ENAH: variants seen among roughly 807,000 people sequenced by gnomAD.
ENAH encodes protein enabled homolog.
In ENAH, 23 loss-of-function variants were observed where a neutral mutation model predicts 78.7. That is an observed-to-expected ratio of 0.29 (90% CI 0.21 to 0.41). The LOEUF (loss-of-function observed/expected upper bound fraction) is 0.41, where lower values mean the gene tolerates loss of function less well. Ranked by LOEUF, ENAH falls within the 10% of genes least tolerant of loss-of-function variation. ENAH has a pLI of 1.00. For synonymous variants in ENAH, 226 were observed against 241.0 expected, an observed-to-expected ratio of 0.94 and a Z score of 0.58; for missense variants, 544 against 691.0, an observed-to-expected ratio of 0.79 and a Z score of 2.39.
chr1:225,503,053 T>C (rs551884607), intron 11 of ENAH, among the ~76,000 whole-genome samples: 1 of 152,212 alleles, frequency 6.6e-6, no homozygotes, highest in South Asian at 2.1e-4. Flanking sequence ...ATTATTGTTA[T>C]GTAATAAACA....
chr1:225,561,013 A>T (rs778807122), intron 2 of ENAH, among the ~76,000 whole-genome samples: 4 of 152,150 alleles, frequency 2.6e-5, no homozygotes, highest in Non-Finnish European at 4.4e-5. Context: ...AGGCGGGCAG[A>T]TCACGATGTC....
intron 1 of ENAH, among the ~76,000 whole-genome samples, chr1:225,608,102 TA>T (rs1482918680): frequency 1.3e-5 from 2 of 148,974 alleles, no homozygotes; most frequent in Non-Finnish European, 3.0e-5. Context: ...GAAAAAAAGA[TA>T]CGCATCCGTG....
intron 1 of ENAH, among the ~76,000 whole-genome samples, chr1:225,588,592 G>A (rs937028105): frequency 2.0e-5 from 3 of 152,118 alleles, no homozygotes; most frequent in Non-Finnish European, 2.9e-5. Flanking sequence ...GACGGATCAC[G>A]AAGTCAGGAG....
chr1:225,615,647 G>A (rs894212599), intron 1 of ENAH, among the ~76,000 whole-genome samples: 3 of 147,806 alleles, frequency 2.0e-5, no homozygotes, highest in Non-Finnish European at 4.5e-5. Flanking sequence ...GAGCGCCTCT[G>A]CCCCGCCACC....
intron 3 of ENAH, among the ~76,000 whole-genome samples, chr1:225,539,971 T>A (rs2096581661): frequency 6.6e-6 from 1 of 152,170 alleles, no homozygotes; most frequent in Non-Finnish European, 1.5e-5. Context: ...TGTATATGCT[T>A]TTTTCTGATT....
chr1:225,647,682 A>G (rs116389456), intron 1 of ENAH, among the ~76,000 whole-genome samples: 1,535 of 152,328 alleles, frequency 0.01, 25 homozygotes, highest in Middle Eastern at 0.024. Flanking sequence ...TCCACCAAAT[A>G]CTACACTACA....
At chr1:225,537,606 T>G (rs1306164589) in intron 3 of ENAH, among the ~76,000 whole-genome samples, 2 of 152,186 alleles carry the variant, frequency 1.3e-5, no homozygotes, top group African/African-American at 4.8e-5. Flanking sequence ...TTGTCCAGGT[T>G]GAGTAAATTC....
chr1:225,555,569 G>A (rs149905123), intron 2 of ENAH, among the ~76,000 whole-genome samples: 6,451 of 150,108 alleles, frequency 0.043, 222 homozygotes, highest in South Asian at 0.11. Flanking sequence ...GCGATAGAGC[G>A]AGACTCTGTC....
At chr1:225,555,588 A>C (rs1346340089) in intron 2 of ENAH, among the ~76,000 whole-genome samples, 1 of 152,114 alleles carries the variant, frequency 6.6e-6, no homozygotes, top group East Asian at 1.9e-4. Context: ...TCTCAAAAAA[A>C]AAAAAAGTAA....
rs775526017 is a variant in ENAH at position 225,517,435 on chromosome 1, G to A, written c.803-129C>T. ...GAGGGAAGGCAGTGGAGGCGGCGGC[G>A]GAGGAGCTGCTGGCCCTGAGGTAGG... On this transcript the variant is annotated intron_variant, in intron 5 of 13. Transcript: ENST00000366843. 4.6e-5 allele frequency: 72 copies of A among 1,551,618 alleles called. 1 individual carries two copies. The highest frequency in any genetic ancestry group is 4.4e-4 in the East Asian group (18 of 40,930).
intron 1 of ENAH, among the ~76,000 whole-genome samples, chr1:225,637,409 G>A (rs1660259119): frequency 1.3e-5 from 2 of 152,086 alleles, no homozygotes; most frequent in Non-Finnish European, 2.9e-5. Flanking sequence ...GGTTTCACCA[G>A]TTAGCCAGGC....
At chr1:225,607,433 G>A (rs2096962145) in intron 1 of ENAH, among the ~76,000 whole-genome samples, 1 of 144,438 alleles carries the variant, frequency 6.9e-6, no homozygotes, top group Admixed American at 7.3e-5. Flanking sequence ...GAAGAAAACA[G>A]AAACTGTCTA....
chr1:225,562,670 A>G (rs1431614981), intron 2 of ENAH, among the ~76,000 whole-genome samples: 2 of 150,964 alleles, frequency 1.3e-5, no homozygotes, highest in South Asian at 2.1e-4. Flanking sequence ...ATTTTTTTAT[A>G]TAACATATTT....
chr1:225,511,795 T>C lies in ENAH; in HGVS notation c.1471+16A>G. 3.2e-6 allele frequency: 5 copies of C among 1,583,284 alleles called. No homozygotes were observed. Among genetic ancestry groups the C allele is most frequent in the Non-Finnish European group, 4.3e-6 (5 of 1,157,636 alleles). On this transcript the variant is annotated intron_variant, in intron 10 of 13. Coordinates refer to ENST00000366843, the MANE Select transcript of ENAH (RefSeq NM_018212.6). ...GAGAAAGTTTATAAAGGTTAAAATA[T>C]TTATCTTGAACTTACCAGGTGTACT...
chr1:225,582,928 G>A (rs1308859582), intron 1 of ENAH, among the ~76,000 whole-genome samples: 3 of 152,124 alleles, frequency 2.0e-5, no homozygotes, highest in Non-Finnish European at 4.4e-5. Context: ...AGTTGAAGAC[G>A]AAGATACTTG....
intron 1 of ENAH, among the ~76,000 whole-genome samples, chr1:225,646,251 G>A (rs1410583011): frequency 6.6e-6 from 1 of 151,932 alleles, no homozygotes; most frequent in African/African-American, 2.4e-5. Flanking sequence ...AACCCTCAAT[G>A]TGACTCTATT....
At position 225,490,499 on chromosome 1, in the gene ENAH, AG is replaced by A. The variant is rs528253674; in HGVS notation, c.*7275del. On this transcript the variant is annotated 3_prime_UTR_variant, in exon 14 of 14. Coordinates refer to ENST00000366843, the MANE Select transcript of ENAH (RefSeq NM_018212.6). ...GAGGCAGGAAAATCCCTTTGAACCC[AG>A]GGGGGGGAAGTTGCAGTGAGCCGAG... 12 of 148,706 alleles carry A rather than the reference AG, an allele frequency of 8.1e-5. No homozygotes were observed. The highest frequency in any genetic ancestry group is 1.2e-4 in the Non-Finnish European group (8 of 66,400). The allele number at this position is 148,706 out of a possible 1,614,324, so 9.2% of individuals were successfully genotyped here.
intron 1 of ENAH, among the ~76,000 whole-genome samples, chr1:225,622,098 A>AT (rs755694085): frequency 9.9e-5 from 15 of 152,256 alleles, no homozygotes; most frequent in Non-Finnish European, 1.3e-4. Context: ...TATTAAGACC[A>AT]TGTAACAACA....
In ENAH at chr1:225,650,848, TAAAAAAAAAA is replaced by T. The variant is rs746549168; in HGVS notation, c.5+1828_5+1837del. Among the ~76,000 whole-genome samples, 232 of 58,944 alleles carry T rather than the reference TAAAAAAAAAA, an allele frequency of 3.9e-3. 5 individuals are homozygous for T. Among genetic ancestry groups the T allele is most frequent in the African/African-American group, 0.01 (137 of 13,656 alleles). 38.7% of individuals were successfully genotyped at this position (58,944 alleles called of 152,430 possible). A position where few individuals can be genotyped will look rare whatever the true frequency, so the allele number is the denominator to read the frequency against. On this transcript the variant is annotated intron_variant, in intron 1 of 13. Transcript: ENST00000366843. The stretch of plus-strand genomic sequence containing the variant: ...CTGGGCAAGAGAGCAAGACTGCATT[TAAAAAAAAAA>T]AAAAAAAAAAAAAAAAAAAACTTTC...
Sources: allele counts gnomAD v4.1 joint callset (sites outside exome capture counted in the v4.1 genomes callset), GRCh38; gene constraint gnomAD v4.1.1; transcripts MANE v1.5; gene names NCBI Gene and HGNC (gene_info 2026-07-23, HGNC 2026-07-21).